USP48: variants seen among roughly 807,000 people sequenced by gnomAD.
The protein encoded by USP48 is ubiquitin specific peptidase 48.
USP48 carries 43 observed loss-of-function variants against 150.7 expected under a neutral mutation model. The observed-to-expected ratio is 0.29, with a 90% CI of 0.22 to 0.37. USP48 has a LOEUF of 0.37. Ranked by LOEUF, USP48 falls within the 10% of genes least tolerant of loss-of-function variation. The pLI, the probability that USP48 is intolerant of heterozygous loss-of-function variation, is 1.00. For missense variants in USP48, 813 were observed against 1,249.6 expected, an observed-to-expected ratio of 0.65 and a Z score of 5.27; for synonymous variants, 396 against 425.9, an observed-to-expected ratio of 0.93 and a Z score of 0.86.
chr1:21,744,338 C>T lies in USP48; in HGVS notation c.991+2729G>A, dbSNP rs144622859. Among the ~76,000 whole-genome samples, 17 of 151,524 alleles carry T rather than the reference C, an allele frequency of 1.1e-4. 1 individual carries two copies. In the South Asian group the frequency reaches 2.1e-3, roughly 19 times the overall value. On this transcript the variant is annotated intron_variant, in intron 8 of 26. Coordinates refer to ENST00000308271, the MANE Select transcript of USP48 (RefSeq NM_032236.8). ...GCATGCGTCTGTAGTCCCAGCTACT[C>T]GAGAGACTGAGGCAGAGAGAATTGC...
At chr1:21,763,676 G>A (rs867660175) in intron 1 of USP48, among the ~76,000 whole-genome samples, 42 of 152,280 alleles carry the variant, frequency 2.8e-4, no homozygotes, top group Admixed American at 1.1e-3. Context: ...TTAGCCAGGC[G>A]TGGTGGCACA....
chr1:21,730,904 G>A, intron 9 of USP48, among the ~76,000 whole-genome samples: 1 of 151,714 alleles, frequency 6.6e-6, no homozygotes, highest in East Asian at 2.0e-4. Context: ...GGGATTACAG[G>A]CACGTGTCAC....
At chr1:21,746,377 G>C (rs1344535692) in intron 8 of USP48, among the ~76,000 whole-genome samples, 1 of 152,092 alleles carries the variant, frequency 6.6e-6, no homozygotes, top group African/African-American at 2.4e-5. Context: ...AGCTACAAGG[G>C]AGGCTGAGGT....
chr1:21,754,086 G>A (rs902130664), intron 3 of USP48, among the ~76,000 whole-genome samples: 4 of 151,226 alleles, frequency 2.6e-5, no homozygotes, highest in Non-Finnish European at 4.4e-5. Flanking sequence ...ACTTGAACCC[G>A]ACAGGCGGAG....
At chr1:21,704,718 C>T (rs913867297) in intron 19 of USP48, 2 of 184,080 alleles carry the variant, frequency 1.1e-5, no homozygotes, top group Non-Finnish European at 2.2e-5. Context: ...ACATTATGTG[C>T]GTGCATTTTT....
At chr1:21,717,182 T>A (rs2152537763) in intron 14 of USP48, among the ~76,000 whole-genome samples, 1 of 152,084 alleles carries the variant, frequency 6.6e-6, no homozygotes, top group East Asian at 1.9e-4. Context: ...GGCAGGCAGA[T>A]CACATGAGCC....
At chr1:21,714,455 G>T (rs1459026687) in intron 15 of USP48, among the ~76,000 whole-genome samples, 1 of 152,050 alleles carries the variant, frequency 6.6e-6, no homozygotes, top group African/African-American at 2.4e-5. Context: ...TAGAGACAGG[G>T]TCTTGCTGTG....
At chr1:21,769,615 T>A (rs2097873235) in intron 1 of USP48, among the ~76,000 whole-genome samples, 1 of 152,152 alleles carries the variant, frequency 6.6e-6, no homozygotes. Context: ...TTTCACCATG[T>A]TCCCCAGGCT....
chr1:21,743,844 A>C (rs1192492275), intron 8 of USP48, among the ~76,000 whole-genome samples: 1 of 152,196 alleles, frequency 6.6e-6, no homozygotes, highest in Non-Finnish European at 1.5e-5. Flanking sequence ...AAAAAGAAAA[A>C]ACTAAAATAT....
chr1:21,706,090 T>C, intron 18 of USP48, 36 bp downstream of exon 18: 2 of 1,598,738 alleles, frequency 1.3e-6, no homozygotes, highest in East Asian at 4.5e-5. Flanking sequence ...ACCAAATCAG[T>C]AACAATAAAG....
intron 11 of USP48, among the ~76,000 whole-genome samples, chr1:21,727,007 G>A (rs2152551577): frequency 6.6e-6 from 1 of 151,482 alleles, no homozygotes; most frequent in South Asian, 2.1e-4. Flanking sequence ...TCTTTGGAAA[G>A]TTATAAAGTC....
intron 22 of USP48, among the ~76,000 whole-genome samples, chr1:21,697,479 T>A (rs538865755): frequency 1.3e-5 from 2 of 152,056 alleles, no homozygotes; most frequent in South Asian, 2.1e-4. Flanking sequence ...CTGGCTAACA[T>A]GGTGAAACCC....
intron 1 of USP48, among the ~76,000 whole-genome samples, chr1:21,761,662 G>A (rs888347744): frequency 1.3e-5 from 2 of 152,180 alleles, no homozygotes; most frequent in Non-Finnish European, 2.9e-5. Context: ...GGCTCAGGCA[G>A]AAGATGGCCT....
intron 1 of USP48, among the ~76,000 whole-genome samples, chr1:21,772,315 G>A (rs1572048812): frequency 1.3e-5 from 2 of 152,002 alleles, no homozygotes; most frequent in South Asian, 2.1e-4. Context: ...AAATATCTTC[G>A]ACAGAAATAT....
At chr1:21,693,141 G>A (rs1194454088) in intron 23 of USP48, among the ~76,000 whole-genome samples, 1 of 152,060 alleles carries the variant, frequency 6.6e-6, no homozygotes, top group Non-Finnish European at 1.5e-5. Context: ...ACTTTCTCAG[G>A]CAGGCAATAC....
intron 1 of USP48, among the ~76,000 whole-genome samples, chr1:21,778,142 G>GAA (rs369751633): frequency 1.3e-4 from 17 of 135,254 alleles, no homozygotes; most frequent in Non-Finnish European, 2.6e-4. Context: ...GACTCCGTCT[G>GAA]AAAAAAAAAA....
intron 8 of USP48, 43 bp from the exon 9 acceptor site, chr1:21,736,668 T>C: frequency 7.4e-7 from 1 of 1,356,718 alleles, no homozygotes; most frequent in Non-Finnish European, 9.6e-7. Context: ...TGGATAACAG[T>C]TATTTCTTAT....
chr1:21,772,034 G>A (rs1270975999), intron 1 of USP48, among the ~76,000 whole-genome samples: 1 of 152,070 alleles, frequency 6.6e-6, no homozygotes, highest in Non-Finnish European at 1.5e-5. Context: ...AATGGTTTAA[G>A]ACAAGTGAGT....
chr1:21,756,231 A>G (rs1557580600), intron 3 of USP48, among the ~76,000 whole-genome samples: 2 of 152,060 alleles, frequency 1.3e-5, no homozygotes, highest in Admixed American at 1.3e-4. Flanking sequence ...CTGTAGTCGC[A>G]GCACTTTGGA....
Sources: gnomAD v4.1 joint callset for allele counts (sites outside exome capture counted in the v4.1 genomes callset) on GRCh38, gnomAD v4.1.1 for gene constraint, MANE v1.5 for transcripts, NCBI Gene and HGNC (gene_info 2026-07-23, HGNC 2026-07-21) for gene names.